TNFRSF11A: variants seen among roughly 807,000 people sequenced by gnomAD.
TNFRSF11A encodes the protein tumor necrosis factor receptor superfamily member 11A.
Under a neutral mutation model 55.7 loss-of-function variants are expected in TNFRSF11A, and 32 were observed. The observed-to-expected ratio is 0.57, with a 90% CI of 0.43 to 0.77. The LOEUF is 0.77. TNFRSF11A is among the 30% of genes least tolerant of loss of function. The pLI is 0.00. For missense variants in TNFRSF11A, 753 were observed against 809.8 expected, an observed-to-expected ratio of 0.93 and a Z score of 0.85; for synonymous variants, 311 against 331.0, an observed-to-expected ratio of 0.94 and a Z score of 0.65.
Position 62,369,221 on chromosome 18 carries a change from C to T in TNFRSF11A, c.1304C>T (p.Ala435Val). 1 of 1,613,752 alleles carries T rather than the reference C, an allele frequency of 6.2e-7. No individual in the cohort carries two copies. The change falls in exon 9 of 10, where the codon GCA becomes GTA. Residue 435 changes from alanine (A) to valine (V), a missense_variant. Ala to Val is a moderately conservative substitution (Grantham distance 64). Coordinates refer to ENST00000586569, the MANE Select transcript of TNFRSF11A (RefSeq NM_003839.4). The stretch of plus-strand genomic sequence containing the variant: ...GACAGTGGCCATTGCCCGCACTGGG[C>T]AGCCAGCCCCAGCCCCAACTGGGCA... The part of the protein sequence containing the change: ...EVDSGHCPHW[A>V]ASPSPNWADV...
At chr18:62,378,503 T>C (rs895926955) in intron 9 of TNFRSF11A, among the ~76,000 whole-genome samples, 1 of 152,222 alleles carries the variant, frequency 6.6e-6, no homozygotes, top group African/African-American at 2.4e-5. Flanking sequence ...ATAATACTAC[T>C]CTTCAGTGTA....
chr18:62,326,310 C>G (rs768434849), intron 1 of TNFRSF11A, among the ~76,000 whole-genome samples: 5 of 152,050 alleles, frequency 3.3e-5, no homozygotes, highest in Non-Finnish European at 7.4e-5. Context: ...TGGGGAGGGA[C>G]GCATGGAGAA....
intron 4 of TNFRSF11A, among the ~76,000 whole-genome samples, chr18:62,355,789 T>A (rs1212343433): frequency 6.6e-6 from 1 of 152,240 alleles, no homozygotes; most frequent in African/African-American, 2.4e-5. Flanking sequence ...AAATATTACT[T>A]CTTGCTAAAA....
At chr18:62,376,832 C>G (rs1002263275) in intron 9 of TNFRSF11A, among the ~76,000 whole-genome samples, 1 of 152,222 alleles carries the variant, frequency 6.6e-6, no homozygotes, top group Non-Finnish European at 1.5e-5. Flanking sequence ...ATCATACATT[C>G]TATAGCCTTT....
intron 1 of TNFRSF11A, among the ~76,000 whole-genome samples, chr18:62,335,311 A>G (rs931085313): frequency 1.8e-4 from 27 of 152,074 alleles, no homozygotes; most frequent in African/African-American, 5.8e-4. Flanking sequence ...GGGATTTACC[A>G]TATTGGCCAG....
intron 3 of TNFRSF11A, 59 bp from the exon 4 acceptor site, chr18:62,354,332 C>T (rs1600383622): frequency 2.0e-6 from 3 of 1,496,022 alleles, no homozygotes; most frequent in East Asian, 2.5e-5. Flanking sequence ...CAGTCGTGGG[C>T]GGTGTGTTTG....
chr18:62,338,062 C>T (rs11877774), intron 1 of TNFRSF11A, among the ~76,000 whole-genome samples: 35 of 152,324 alleles, frequency 2.3e-4, no homozygotes, highest in African/African-American at 8.2e-4. Flanking sequence ...AGAAAAGATG[C>T]TCCACCTCAT....
chr18:62,325,640 G>A lies in TNFRSF11A; in HGVS notation c.75+213G>A, dbSNP rs964687531. ...GCGGAGGGAAACTGGGGCGCAGAAG[G>A]AGCAGGTTGGCGGGACCGCAACACC... is the stretch of plus-strand genomic sequence containing the variant. On this transcript the variant is annotated intron_variant, in intron 1 of 9. Transcript: ENST00000586569. This position sits in a 1 kb window ranked among gnomAD's most constrained non-coding sequence, Gnocchi z 4.7. 6.6e-6 allele frequency among the ~76,000 whole-genome samples: 1 copy of A among 152,170 alleles called. No homozygotes were observed. The highest frequency in any genetic ancestry group is 1.5e-5 in the Non-Finnish European group (1 of 68,018).
chr18:62,370,831 T>A (rs1319093658), intron 9 of TNFRSF11A, among the ~76,000 whole-genome samples: 4 of 53,556 alleles, frequency 7.5e-5, no homozygotes, highest in Non-Finnish European at 1.1e-4. Context: ...TTTTCTTTTC[T>A]TTTCTTTTTT....
Position 62,380,387 on chromosome 18 carries a change from C to T in TNFRSF11A, c.1568-4364C>T, listed in dbSNP as rs1911187404. ...TTGAAGAATAAACTTGTTTTAGAAT[C>T]TCCTAAATCTTTCTAGGTAACTGTC... is the stretch of plus-strand genomic sequence containing the variant. On this transcript the variant is annotated intron_variant, in intron 9 of 9. Transcript: ENST00000586569. Among the ~76,000 whole-genome samples the T allele has an allele frequency of 2.6e-5, 4 of 151,418 alleles. No individual in the cohort carries two copies. The South Asian group carries it at 8.3e-4, about 32-fold the overall frequency.
rs763222674 is a variant in TNFRSF11A, at chr18:62,384,825, G to A, written c.1642G>A (p.Val548Met). The change falls in exon 10 of 10, where the codon GTG becomes ATG. Residue 548 changes from valine (V) to methionine (M), a missense_variant. This residue lies in a region of TNFRSF11A where 567 missense variants were observed against 596.7 expected (regional missense o/e 0.95). Transcript: ENST00000586569. ...QVMNFKGDIIVVYVSQTSQEG... is the reference protein window; with the variant it reads ...QVMNFKGDIIMVYVSQTSQEG... ...GATGAACTTCAAGGGCGACATCATC[G>A]TGGTCTACGTCAGCCAGACCTCGCA... The A allele has an allele frequency of 1.2e-6, 2 of 1,611,916 alleles. No individual in the cohort carries two copies. Among genetic ancestry groups the A allele is most frequent in the Non-Finnish European group, 1.7e-6 (2 of 1,179,218 alleles).
chr18:62,357,998 C>T (rs1330065488), intron 4 of TNFRSF11A: 8 of 498,344 alleles, frequency 1.6e-5, no homozygotes, highest in African/African-American at 1.6e-4. Flanking sequence ...AGTGGCCTGA[C>T]ATCAAGTCAG....
chr18:62,346,645 C>T (rs957056729), intron 1 of TNFRSF11A, among the ~76,000 whole-genome samples: 6 of 152,212 alleles, frequency 3.9e-5, no homozygotes, highest in Non-Finnish European at 7.3e-5. Flanking sequence ...CCTCAGCCTC[C>T]TCATAACCCC....
intron 1 of TNFRSF11A, among the ~76,000 whole-genome samples, chr18:62,334,627 A>T (rs1389711153): frequency 4.0e-5 from 6 of 151,798 alleles, no homozygotes; most frequent in Admixed American, 6.6e-5. Context: ...TAATCTGGGG[A>T]CTCTTCCCTT....
At chr18:62,363,006 G>T (rs1909806114) in intron 7 of TNFRSF11A, among the ~76,000 whole-genome samples, 1 of 152,018 alleles carries the variant, frequency 6.6e-6, no homozygotes, top group African/African-American at 2.4e-5. Flanking sequence ...ACCACGCCCA[G>T]CTAATTTTTG....
intron 1 of TNFRSF11A, among the ~76,000 whole-genome samples, chr18:62,331,355 G>A (rs1728472254): frequency 6.6e-6 from 1 of 152,224 alleles, no homozygotes; most frequent in African/African-American, 2.4e-5. Flanking sequence ...TCTGGTTCAA[G>A]TGAAGAAGTG....
chr18:62,367,226 G>A (rs1910157872), intron 8 of TNFRSF11A, among the ~76,000 whole-genome samples: 1 of 152,194 alleles, frequency 6.6e-6, no homozygotes, highest in South Asian at 2.1e-4. Context: ...CTGCAGAGCA[G>A]CTCAAAGCCC....
Position 62,354,449 on chromosome 18 carries a change from C to G in TNFRSF11A, c.342C>G (p.Cys114Trp). ...GCACGACCCCCCGGCGCTGCGCGTG[C>G]ACGGCTGGGTACCACTGGAGCCAGG... ...GNSTTPRRCA[C>W]TAGYHWSQDC... Residue 114 changes from cysteine (C) to tryptophan (W), a missense_variant, in exon 4 of 10, where the codon TGC becomes TGG. By Grantham distance (215) the Cys-to-Trp change is radical. Transcript: ENST00000586569. 6.2e-7 allele frequency: 1 copy of G among 1,600,308 alleles called. No individual in the cohort carries two copies. Among genetic ancestry groups the G allele is most frequent in the Non-Finnish European group, 8.5e-7 (1 of 1,178,898 alleles).
intron 1 of TNFRSF11A, among the ~76,000 whole-genome samples, chr18:62,344,993 C>G (rs558654327): frequency 1.3e-5 from 2 of 152,346 alleles, no homozygotes; most frequent in South Asian, 4.1e-4. Flanking sequence ...GAGAGCCAGT[C>G]TGGCCTGCAG....
Sources: gnomAD v4.1 joint callset for allele counts (sites outside exome capture counted in the v4.1 genomes callset) on GRCh38, gnomAD v4.1.1 for gene constraint, gnomAD v4.1.1 regional missense constraint, Gnocchi (gnomAD v3.1) non-coding constraint, MANE v1.5 for transcripts, NCBI Gene and HGNC (gene_info 2026-07-23, HGNC 2026-07-21) for gene names.